The following TENM3 variants were observed in gnomAD, a reference collection of about 807,000 sequenced individuals.
The protein encoded by TENM3 is teneurin-3.
A neutral mutation model predicts 255.1 loss-of-function variants in TENM3; 63 were observed. That is an observed-to-expected ratio of 0.25 (90% CI 0.20 to 0.30). The LOEUF is 0.30. Ranked by LOEUF, TENM3 falls within the 10% of genes least tolerant of loss-of-function variation. TENM3 has a pLI of 1.00. For synonymous variants in TENM3, 1,306 were observed against 1,322.3 expected (o/e 0.99, Z 0.27); for missense variants, 2,929 against 3,461.1 (o/e 0.85, Z 3.86).
chr4:182,068,267 C>T, the TENM3 span, among the ~76,000 whole-genome samples: 6 of 152,160 alleles, frequency 3.9e-5, no homozygotes, highest in South Asian at 1.2e-3. Context: ...CATATTTGCG[C>T]TTCCCATTTA....
At chr4:181,618,003 T>A in the TENM3 span, among the ~76,000 whole-genome samples, 1 of 152,208 alleles carries the variant, frequency 6.6e-6, no homozygotes, top group Non-Finnish European at 1.5e-5. Context: ...AAGTTCTATA[T>A]CTGAGCTTCC....
chr4:181,771,172 T>C, the TENM3 span, among the ~76,000 whole-genome samples: 3 of 151,992 alleles, frequency 2.0e-5, no homozygotes, highest in Non-Finnish European at 4.4e-5. Context: ...TGCTTTAATG[T>C]GTGCCTTTAA....
At chr4:182,038,858 C>T in the TENM3 span, among the ~76,000 whole-genome samples, 3 of 152,036 alleles carry the variant, frequency 2.0e-5, no homozygotes, top group Non-Finnish European at 4.4e-5. Context: ...CTCAGGCTCC[C>T]GAGTAGCTGG....
chr4:181,791,193 G>C, the TENM3 span, among the ~76,000 whole-genome samples: 1,345 of 152,266 alleles, frequency 8.8e-3, 20 homozygotes, highest in African/African-American at 0.031. Context: ...ATAGTGGTCC[G>C]GAGAAACACG....
At chr4:182,063,295 C>A in the TENM3 span, among the ~76,000 whole-genome samples, 1 of 152,302 alleles carries the variant, frequency 6.6e-6, no homozygotes, top group South Asian at 2.1e-4. Flanking sequence ...AGCAGTTATG[C>A]TGACTACTTC....
the TENM3 span, among the ~76,000 whole-genome samples, chr4:181,690,208 G>T: frequency 6.6e-6 from 1 of 150,922 alleles, no homozygotes; most frequent in Non-Finnish European, 1.5e-5. Context: ...GAGTATTCAA[G>T]AACCAGTATG....
At chr4:182,087,043 G>A in the TENM3 span, among the ~76,000 whole-genome samples, 5 of 151,956 alleles carry the variant, frequency 3.3e-5, no homozygotes, top group Admixed American at 6.6e-5. Context: ...ACATTGTTTC[G>A]ATCATTGTGT....
intron 18 of TENM3, among the ~76,000 whole-genome samples, chr4:182,739,410 G>A (rs544693865): frequency 6.6e-6 from 1 of 152,130 alleles, no homozygotes; most frequent in Non-Finnish European, 1.5e-5. Flanking sequence ...GGAAAAGCAG[G>A]ACCGTAAGTT....
intron 4 of TENM3, among the ~76,000 whole-genome samples, chr4:182,605,311 G>A (rs1267887071): frequency 6.6e-6 from 1 of 152,160 alleles, no homozygotes; most frequent in East Asian, 1.9e-4. Context: ...GATGCCATAT[G>A]CTTTTGTTAA....
chr4:182,082,906 C>T, the TENM3 span, among the ~76,000 whole-genome samples: 1 of 152,144 alleles, frequency 6.6e-6, no homozygotes, highest in African/African-American at 2.4e-5. Flanking sequence ...ACGTGCCACT[C>T]CTTGGCAACA....
chr4:182,679,985 C>A, intron 8 of TENM3, 109 bp downstream of exon 8: 1 of 962,050 alleles, frequency 1.0e-6, no homozygotes, highest in Non-Finnish European at 1.5e-6. Context: ...GGTGTTAAAG[C>A]CCAGGTAAAA....
At chr4:182,578,549 C>T (rs1306564983) in intron 3 of TENM3, among the ~76,000 whole-genome samples, 1 of 152,066 alleles carries the variant, frequency 6.6e-6, no homozygotes, top group Non-Finnish European at 1.5e-5. Flanking sequence ...ATGAGTCTCT[C>T]AGCTCACATT....
chr4:181,521,569 A>G, the TENM3 span, among the ~76,000 whole-genome samples: 4 of 152,314 alleles, frequency 2.6e-5, no homozygotes, highest in Admixed American at 2.6e-4. Flanking sequence ...GCGTAATCGT[A>G]ACTCAAGGAT....
the TENM3 span, among the ~76,000 whole-genome samples, chr4:181,679,700 A>C: frequency 2.0e-5 from 3 of 152,184 alleles, no homozygotes; most frequent in Non-Finnish European, 4.4e-5. Flanking sequence ...GTATACTTTC[A>C]TAATGTATGA....
intron 3 of TENM3, among the ~76,000 whole-genome samples, chr4:182,558,443 G>A (rs1333881930): frequency 6.6e-6 from 1 of 152,134 alleles, no homozygotes; most frequent in African/African-American, 2.4e-5. Context: ...TTCCTCACCC[G>A]TTTCTGACAT....
chr4:182,386,489 GC>G (rs1434435024), intron 3 of TENM3, among the ~76,000 whole-genome samples: 1 of 152,370 alleles, frequency 6.6e-6, no homozygotes, highest in East Asian at 1.9e-4. Flanking sequence ...GCCTGCCACT[GC>G]ACTGTGGGAG....
the TENM3 span, among the ~76,000 whole-genome samples, chr4:182,033,262 C>G: frequency 6.6e-6 from 1 of 152,116 alleles, no homozygotes; most frequent in Non-Finnish European, 1.5e-5. Flanking sequence ...TCATTGGTTT[C>G]AAAGAACTTC....
the TENM3 span, among the ~76,000 whole-genome samples, chr4:181,491,600 C>T: frequency 6.6e-6 from 1 of 151,846 alleles, no homozygotes; most frequent in Non-Finnish European, 1.5e-5. Flanking sequence ...GAGATATATA[C>T]TTTAGGATTT....
the TENM3 span, among the ~76,000 whole-genome samples, chr4:181,491,768 T>C: frequency 6.6e-6 from 1 of 152,132 alleles, no homozygotes; most frequent in African/African-American, 2.4e-5. Context: ...ATTTTGCTTT[T>C]AAACCAGAAA....
Sources: allele counts gnomAD v4.1 joint callset (sites outside exome capture counted in the v4.1 genomes callset), GRCh38; gene constraint gnomAD v4.1.1; transcripts MANE v1.5; gene names NCBI Gene and HGNC (gene_info 2026-07-23, HGNC 2026-07-21).